Variants in SSC5D observed in about 807,000 individuals in gnomAD.
The protein encoded by SSC5D is scavenger receptor cysteine rich family member with 5 domains.
SSC5D carries 106 observed loss-of-function variants against 104.6 expected under a neutral mutation model. That is an observed-to-expected ratio of 1.01 (90% CI 0.87 to 1.19). SSC5D has a LOEUF of 1.19. SSC5D is among the 50% of genes most tolerant of loss of function. The pLI is 0.00. For missense variants in SSC5D, 1,993 were observed against 2,153.8 expected, an observed-to-expected ratio of 0.93 and a Z score of 1.48; for synonymous variants, 860 against 883.5, an observed-to-expected ratio of 0.97 and a Z score of 0.47.
intron 12 of SSC5D, among the ~76,000 whole-genome samples, chr19:55,502,475 CTTTA>C (rs1360404442): frequency 1.3e-5 from 2 of 151,950 alleles, no homozygotes; most frequent in African/African-American, 2.4e-5. Flanking sequence ...GTCAGTTTCT[CTTTA>C]TTTTTTTCTC....
chr19:55,489,066 C>CTG, intron 2 of SSC5D, 34 bp downstream of exon 2: 1 of 1,048,034 alleles, frequency 9.5e-7, no homozygotes, highest in Non-Finnish European at 1.3e-6. Flanking sequence ...CTGCCCGCCC[C>CTG]CCCCCCCAGG....
Position 55,500,805 on chromosome 19 carries a change from G to A in SSC5D, c.2617+1G>A. 6.5e-7 allele frequency: 1 copy of A among 1,545,822 alleles called. No individual in the cohort carries two copies. Among genetic ancestry groups the A allele is most frequent in the Non-Finnish European group, 8.8e-7 (1 of 1,142,462 alleles). ...GAAGACGTGGGGCTCACCTGCACTG[G>A]TACCAGGGCATGGCGGCGGTGGTGG... On this transcript the variant is annotated splice_donor_variant, in intron 11 of 13. Transcript: ENST00000389623. LOFTEE classifies it high-confidence loss of function. The surrounding 1 kb of genome is among the most constrained non-coding windows in gnomAD (Gnocchi z 4.6).
At chr19:55,507,665 C>CAAAAAAAA (rs61340967) in intron 12 of SSC5D, among the ~76,000 whole-genome samples, 153 of 75,114 alleles carry the variant, frequency 2.0e-3, no homozygotes, top group African/African-American at 4.4e-3. Flanking sequence ...GACTCCGTCT[C>CAAAAAAAA]AAAAAAAAAA....
intron 12 of SSC5D, among the ~76,000 whole-genome samples, chr19:55,506,316 A>G (rs1025630221): frequency 6.7e-6 from 1 of 149,300 alleles, no homozygotes; most frequent in Admixed American, 6.6e-5. Flanking sequence ...CAAATGAGAG[A>G]TGACATTGTA....
chr19:55,490,853 G>A lies in SSC5D; in HGVS notation c.668G>A (p.Cys223Tyr). Residue 223 changes from cysteine to tyrosine, a missense_variant, in exon 6 of 14, where the codon TGT becomes TAT. This residue lies in a region of SSC5D where 1,101 missense variants were observed against 1,085.0 expected (regional missense o/e 1.01). Coordinates refer to ENST00000389623, the MANE Select transcript of SSC5D (RefSeq NM_001144950.2). The part of the protein sequence containing the change: ...VWHGGRWGTV[C>Y]DDGWDLRDAA... ...CACGGCGGGCGCTGGGGCACCGTAT[G>A]TGACGATGGCTGGGACCTGCGCGAC... is the stretch of plus-strand genomic sequence containing the variant. The A allele has an allele frequency of 1.3e-6, 2 of 1,547,356 alleles. No individual in the cohort carries two copies. The highest frequency in any genetic ancestry group is 1.2e-5 in the South Asian group (1 of 83,710).
At chr19:55,490,277 C>T in intron 4 of SSC5D, 21 bp from the exon 5 acceptor site, 1 of 763,462 alleles carries the variant, frequency 1.3e-6, no homozygotes, top group Non-Finnish European at 2.3e-6. Context: ...GCTCCTGACC[C>T]CTGGCTGTCT....
At chr19:55,491,101 G>T (rs557443961) in intron 6 of SSC5D, 21 bp downstream of exon 6, 24 of 1,538,472 alleles carry the variant, frequency 1.6e-5, no homozygotes, top group Non-Finnish European at 2.0e-5. Context: ...CTGGGGCCTG[G>T]CCCCCTCCTG....
chr19:55,504,468 C>T, intron 12 of SSC5D: 1 of 491,664 alleles, frequency 2.0e-6, no homozygotes, highest in East Asian at 4.7e-5. Flanking sequence ...GACTTGGTCT[C>T]TTTGAGTCCC....
At position 55,490,957 on chromosome 19, in the gene SSC5D, G is replaced by C. The variant is rs1363012692; in HGVS notation, c.772G>C (p.Gly258Arg). 6.5e-7 allele frequency: 1 copy of C among 1,546,538 alleles called. No homozygotes were observed. Among genetic ancestry groups the C allele is most frequent in the East Asian group, 2.4e-5 (1 of 40,880 alleles). ...PGGARFGPGA[G>R]PVWMDDVGCG... Reference sequence around the variant, plus strand: ...CGGTGCCAGATTCGGGCCTGGTGCAGGGCCCGTGTGGATGGACGATGTGGG... The same window carrying C: ...CGGTGCCAGATTCGGGCCTGGTGCACGGCCCGTGTGGATGGACGATGTGGG... The change falls in exon 6 of 14, where the codon GGG becomes CGG. Residue 258 changes from glycine to arginine, a missense_variant. Coordinates refer to ENST00000389623, the MANE Select transcript of SSC5D (RefSeq NM_001144950.2).
intron 8 of SSC5D, among the ~76,000 whole-genome samples, chr19:55,495,243 T>A (rs1196635462): frequency 0.14 from 5,079 of 35,692 alleles, 574 homozygotes; most frequent in African/African-American, 0.22. Flanking sequence ...ATTTTTTTTT[T>A]TTTTTTTTTT....
Position 55,494,020 on chromosome 19 carries a change from C to T in SSC5D, c.1213+108C>T, listed in dbSNP as rs567022211. On this transcript the variant is annotated intron_variant, in intron 7 of 13. Transcript: ENST00000389623. ...TCCCTACGCGCCCTTCCTGCCCTCT[C>T]TCCGGACTTTCCACTCCCCCATCTT... is the stretch of plus-strand genomic sequence containing the variant. The T allele has an allele frequency of 7.6e-5, 77 of 1,015,090 alleles. 1 individual carries two copies. In the South Asian group the frequency reaches 1.2e-3, roughly 15 times the overall value. The allele number at this position is 1,015,090 out of a possible 1,614,324, so 62.9% of individuals were successfully genotyped here.
chr19:55,511,850 TG>T (rs985984645), intron 12 of SSC5D, among the ~76,000 whole-genome samples: 8 of 152,136 alleles, frequency 5.3e-5, no homozygotes, highest in African/African-American at 1.4e-4. Flanking sequence ...AGGATCAGTG[TG>T]GGGGGCCAGG....
chr19:55,495,377 G>A (rs1485883197), intron 8 of SSC5D, among the ~76,000 whole-genome samples: 4 of 145,824 alleles, frequency 2.7e-5, no homozygotes, highest in African/African-American at 1.0e-4. Context: ...AGCTTCCCAA[G>A]TAGCTGGGAC....
intron 8 of SSC5D, among the ~76,000 whole-genome samples, chr19:55,496,961 C>T (rs1293995192): frequency 6.6e-6 from 1 of 152,106 alleles, no homozygotes; most frequent in Non-Finnish European, 1.5e-5. Context: ...AGTTTCTCCA[C>T]GTTGGCCAGG....
At position 55,490,858 on chromosome 19, in the gene SSC5D, G is replaced by C. The variant is rs754510618; in HGVS notation, c.673G>C (p.Asp225His). 3.6e-5 allele frequency: 55 copies of C among 1,547,022 alleles called. No individual in the cohort carries two copies. The highest frequency in any genetic ancestry group is 4.7e-5 in the Non-Finnish European group (54 of 1,145,318). Residue 225 changes from aspartate (D) to histidine (H), a missense_variant, in exon 6 of 14, where the codon GAT (aspartate) becomes CAT (histidine). Physicochemically the swap from Asp to His is moderately conservative, Grantham distance 81. Coordinates refer to ENST00000389623, the MANE Select transcript of SSC5D (RefSeq NM_001144950.2). Reference sequence around the variant, plus strand: ...CGGGCGCTGGGGCACCGTATGTGACGATGGCTGGGACCTGCGCGACGCTGC... The same window carrying C: ...CGGGCGCTGGGGCACCGTATGTGACCATGGCTGGGACCTGCGCGACGCTGC... ...HGGRWGTVCD[D>H]GWDLRDAAVA...
intron 8 of SSC5D, among the ~76,000 whole-genome samples, chr19:55,496,874 G>T (rs947719080): frequency 6.6e-6 from 1 of 151,682 alleles, no homozygotes; most frequent in African/African-American, 2.4e-5. Context: ...CTCAGCCTCC[G>T]GAGTAGCTGG....
chr19:55,494,220 A>G (rs1987245901), intron 7 of SSC5D, among the ~76,000 whole-genome samples: 1 of 151,962 alleles, frequency 6.6e-6, no homozygotes, highest in Non-Finnish European at 1.5e-5. Flanking sequence ...CCTGCAGTGC[A>G]CAGGCCGCCT....
chr19:55,518,786 C>T lies in SSC5D; in HGVS notation c.4510C>T (p.Leu1504=). ...TGCTGTGAGGGATGTGGGTGGTCAG[C>T]TGCAGAGACTGACCCAGGTCGTGGA... The part of the protein sequence containing the change: ...VAAVRDVGGQ[L]QRLTQVVEQE... Residue 1504 remains leucine, a synonymous_variant, in exon 14 of 14, where the codon CTG becomes TTG. Coordinates refer to ENST00000389623, the MANE Select transcript of SSC5D (RefSeq NM_001144950.2). The T allele has an allele frequency of 1.9e-6, 3 of 1,550,628 alleles. No individual in the cohort carries two copies. The highest frequency in any genetic ancestry group is 1.2e-5 in the South Asian group (1 of 84,068).
At chr19:55,493,994 G>GGGGTGGGGGGGGGGGT in intron 7 of SSC5D, 82 bp downstream of exon 7, 1 of 143,314 alleles carries the variant, frequency 7.0e-6, no homozygotes, top group Non-Finnish European at 1.4e-5. Context: ...GGGCGGGGGG[G>GGGGTGGGGGGGGGGGT]TCCCTACGCG....
Sources: gnomAD v4.1 joint callset for allele counts (sites outside exome capture counted in the v4.1 genomes callset) on GRCh38, gnomAD v4.1.1 for gene constraint, gnomAD v4.1.1 regional missense constraint, Gnocchi (gnomAD v3.1) non-coding constraint, MANE v1.5 for transcripts, NCBI Gene and HGNC (gene_info 2026-07-23, HGNC 2026-07-21) for gene names.